The following CADM2 variants were observed in gnomAD, a reference collection of about 807,000 sequenced individuals.
CADM2 encodes immunoglobulin superfamily member 4D.
A neutral mutation model predicts 49.8 loss-of-function variants in CADM2; 12 were observed. The observed-to-expected ratio is 0.24, with a 90% CI of 0.15 to 0.39. The LOEUF (loss-of-function observed/expected upper bound fraction) is 0.39, where lower values mean the gene tolerates loss of function less well. Ranked by LOEUF, CADM2 falls within the 10% of genes least tolerant of loss-of-function variation. CADM2 has a pLI of 1.00. For synonymous variants in CADM2, 214 were observed against 175.4 expected (o/e 1.22, Z -1.74); for missense variants, 378 against 492.3 (o/e 0.77, Z 2.20).
At chr3:85,737,805 G>A (rs2068205647) in intron 2 of CADM2, among the ~76,000 whole-genome samples, 3 of 152,130 alleles carry the variant, frequency 2.0e-5, no homozygotes, top group Middle Eastern at 3.4e-3. Context: ...TGATCTGCCC[G>A]CCGCTGCCTC....
intron 1 of CADM2, among the ~76,000 whole-genome samples, chr3:85,563,141 C>T (rs541693630): frequency 8.6e-5 from 13 of 151,974 alleles, no homozygotes; most frequent in African/African-American, 3.1e-4. Flanking sequence ...GGAAAATGAA[C>T]GTAATCAATT....
intron 1 of CADM2, among the ~76,000 whole-genome samples, chr3:85,700,199 G>A (rs2107705647): frequency 6.6e-6 from 1 of 152,262 alleles, no homozygotes. Flanking sequence ...CATGGATGAA[G>A]CTGGAAAGCA....
chr3:86,043,190 C>T (rs1361284438), intron 8 of CADM2, among the ~76,000 whole-genome samples: 1 of 152,192 alleles, frequency 6.6e-6, no homozygotes, highest in Non-Finnish European at 1.5e-5. Context: ...TGCCTTCTCT[C>T]ACCACTCCTA....
At chr3:85,575,600 G>A (rs1020591353) in intron 1 of CADM2, among the ~76,000 whole-genome samples, 2 of 152,120 alleles carry the variant, frequency 1.3e-5, no homozygotes, top group African/African-American at 4.8e-5. Context: ...GATTGAAATA[G>A]TAGCTTGTTA....
chr3:85,559,687 C>CACACACACAT (rs1335331798), intron 1 of CADM2, among the ~76,000 whole-genome samples: 1 of 49,372 alleles, frequency 2.0e-5, no homozygotes, highest in African/African-American at 4.6e-5. Context: ...CACACACACA[C>CACACACACAT]ATATATATAT....
At chr3:85,821,200 C>T (rs1404006697) in intron 3 of CADM2, among the ~76,000 whole-genome samples, 5 of 152,142 alleles carry the variant, frequency 3.3e-5, no homozygotes, top group Non-Finnish European at 5.9e-5. Flanking sequence ...TCTTGTTCAG[C>T]CTCAGAATCC....
intron 1 of CADM2, among the ~76,000 whole-genome samples, chr3:85,625,676 G>T (rs2064105733): frequency 6.6e-6 from 1 of 151,986 alleles, no homozygotes; most frequent in Admixed American, 6.6e-5. Flanking sequence ...ACAATTTAGG[G>T]ATTGGGGAAG....
intron 1 of CADM2, among the ~76,000 whole-genome samples, chr3:85,398,468 A>G (rs997542558): frequency 2.6e-5 from 4 of 152,116 alleles, no homozygotes; most frequent in African/African-American, 9.7e-5. Context: ...ATAAACATAC[A>G]TGTGCATGTG....
chr3:85,092,606 A>C (rs72905208), intron 1 of CADM2, among the ~76,000 whole-genome samples: 4,075 of 152,226 alleles, frequency 0.027, 160 homozygotes, highest in African/African-American at 0.091. Flanking sequence ...TTAGATTGCA[A>C]ATCAGTTTAG....
chr3:85,599,651 T>C (rs2063339357), intron 1 of CADM2, among the ~76,000 whole-genome samples: 1 of 151,462 alleles, frequency 6.6e-6, no homozygotes, highest in South Asian at 2.1e-4. Flanking sequence ...TAAAATTATA[T>C]CCCCTAAAAA....
chr3:85,037,313 T>A (rs566794389), intron 1 of CADM2, among the ~76,000 whole-genome samples: 1 of 152,220 alleles, frequency 6.6e-6, no homozygotes, highest in African/African-American at 2.4e-5. Context: ...GCTTCTCATA[T>A]TTTCTCCTTT....
intron 1 of CADM2, among the ~76,000 whole-genome samples, chr3:85,426,286 T>G (rs1170537335): frequency 6.6e-6 from 1 of 151,850 alleles, no homozygotes; most frequent in Non-Finnish European, 1.5e-5. Context: ...AGAACACAGA[T>G]GTGCACCATC....
intron 1 of CADM2, among the ~76,000 whole-genome samples, chr3:85,693,565 G>GC (rs2066453597): frequency 6.2e-5 from 3 of 48,576 alleles, no homozygotes; most frequent in African/African-American, 2.3e-4. Context: ...CGGCGAAAGA[G>GC]CAAAAAAAAA....
At position 84,984,046 on chromosome 3, in the gene CADM2, TATAC is replaced by T. The variant is rs1259235407; in HGVS notation, c.61+24380_61+24383del. ...TTCTTCATTGTGATATATATATATATATACACACACACACACACACACACACACA... is the reference window on the plus strand; with the variant it reads ...TTCTTCATTGTGATATATATATATATACACACACACACACACACACACACA... On this transcript the variant is annotated intron_variant, in intron 1 of 9. Transcript: ENST00000383699. Among the ~76,000 whole-genome samples, 65 of 115,678 alleles carry T rather than the reference TATAC, an allele frequency of 5.6e-4. No individual in the cohort carries two copies. The East Asian group carries it at 6.7e-3, about 12-fold the overall frequency. The allele number at this position is 115,678 out of a possible 152,430, so 75.9% of individuals were successfully genotyped here.
intron 1 of CADM2, among the ~76,000 whole-genome samples, chr3:85,110,588 T>A (rs1273027971): frequency 6.6e-6 from 1 of 151,950 alleles, no homozygotes; most frequent in African/African-American, 2.4e-5. Flanking sequence ...CAATGAGTCA[T>A]GCTTTACTAA....
intron 3 of CADM2, among the ~76,000 whole-genome samples, chr3:85,817,759 G>A (rs2073301448): frequency 1.3e-5 from 2 of 152,044 alleles, no homozygotes. Context: ...CTTGCAGTGA[G>A]CCGAGACTGC....
intron 3 of CADM2, among the ~76,000 whole-genome samples, chr3:85,842,604 C>G (rs1363634506): frequency 6.6e-6 from 1 of 152,116 alleles, no homozygotes; most frequent in Admixed American, 6.6e-5. Flanking sequence ...CATCACATGT[C>G]TTCTTGGCAA....
chr3:85,113,941 A>G (rs2038551176), intron 1 of CADM2, among the ~76,000 whole-genome samples: 1 of 152,114 alleles, frequency 6.6e-6, no homozygotes, highest in African/African-American at 2.4e-5. Flanking sequence ...TTAATCTCCC[A>G]CAGAGCAATT....
chr3:85,437,674 T>G (rs1208055955), intron 1 of CADM2, among the ~76,000 whole-genome samples: 1 of 151,988 alleles, frequency 6.6e-6, no homozygotes, highest in African/African-American at 2.4e-5. Context: ...ATAAGTATCA[T>G]TATTTAAATA....
Sources: allele counts gnomAD v4.1 joint callset (sites outside exome capture counted in the v4.1 genomes callset), GRCh38; gene constraint gnomAD v4.1.1; transcripts MANE v1.5; gene names NCBI Gene and HGNC (gene_info 2026-07-23, HGNC 2026-07-21).